The following ABHD6 variants were observed in gnomAD, a reference collection of about 807,000 sequenced individuals.
ABHD6 encodes the protein monoacylglycerol lipase ABHD6.
A neutral mutation model predicts 38.8 loss-of-function variants in ABHD6; 33 were observed. That is an observed-to-expected ratio of 0.85 (90% CI 0.64 to 1.14). The LOEUF (loss-of-function observed/expected upper bound fraction) is 1.14. Among genes scored for constraint, ABHD6 ranks in the 50% most tolerant of loss-of-function variants. ABHD6 has a pLI of 0.00. For synonymous variants in ABHD6, 147 were observed against 161.6 expected (o/e 0.91, Z 0.69); for missense variants, 380 against 422.6 (o/e 0.90, Z 0.88).
chr3:58,286,209 C>G (rs1158456965), intron 9 of ABHD6, among the ~76,000 whole-genome samples: 1 of 152,064 alleles, frequency 6.6e-6, no homozygotes. Flanking sequence ...TTAGTAGAGA[C>G]GGGGTTTCAC....
At chr3:58,247,633 A>G (rs758368613) in intron 1 of ABHD6, among the ~76,000 whole-genome samples, 3 of 152,046 alleles carry the variant, frequency 2.0e-5, no homozygotes, top group Non-Finnish European at 2.9e-5. Context: ...CTGGAGTACA[A>G]TGGCACAGTC....
rs1027226469 is a variant in ABHD6 at position 58,256,839 on chromosome 3, C to G, written c.119+134C>G. ...ACAGAGAGAAAAGTTGAAAGGTACT[C>G]ATCCTGTTTGGAATTTTGGGAATGC... On this transcript the variant is annotated intron_variant, in intron 3 of 9. Transcript: ENST00000478253. This position sits in a 1 kb window ranked among gnomAD's most constrained non-coding sequence, Gnocchi z 4.3. 1 of 742,584 alleles carries G rather than the reference C, an allele frequency of 1.3e-6. No homozygotes were observed. Among genetic ancestry groups the G allele is most frequent in the Non-Finnish European group, 2.2e-6 (1 of 445,462 alleles). The allele number at this position is 742,584 out of a possible 1,614,324, so 46.0% of individuals were successfully genotyped here.
chr3:58,252,243 T>TTTTTTTTTTA (rs2097430524), intron 2 of ABHD6, among the ~76,000 whole-genome samples: 1 of 145,698 alleles, frequency 6.9e-6, no homozygotes. Context: ...TTTTTTTTTT[T>TTTTTTTTTTA]TTTTTTTTTG....
At chr3:58,253,620 T>A (rs1444374202) in intron 2 of ABHD6, among the ~76,000 whole-genome samples, 1 of 152,338 alleles carries the variant, frequency 6.6e-6, no homozygotes, top group African/African-American at 2.4e-5. Context: ...GGAACCCATT[T>A]TGTAAATTTG....
chr3:58,266,291 A>C lies in ABHD6; in HGVS notation c.120-898A>C, dbSNP rs1161556470. Among the ~76,000 whole-genome samples, 1 of 152,208 alleles carries C rather than the reference A, an allele frequency of 6.6e-6. No homozygotes were observed. The highest frequency in any genetic ancestry group is 1.9e-4 in the East Asian group (1 of 5,194). Reference sequence around the variant, plus strand: ...TGGCGAAACCCTGTCTCTACTAAAAATACAAAAATTAGGCAGGCATGGTGG... The same window carrying C: ...TGGCGAAACCCTGTCTCTACTAAAACTACAAAAATTAGGCAGGCATGGTGG... On this transcript the variant is annotated intron_variant, in intron 3 of 9. Transcript: ENST00000478253. This position sits in a 1 kb window ranked among gnomAD's most constrained non-coding sequence, Gnocchi z 4.0.
Position 58,267,242 on chromosome 3 carries a change from A to G in ABHD6, c.173A>G (p.Tyr58Cys), listed in dbSNP as rs1358664743. The G allele has an allele frequency of 3.1e-6, 5 of 1,614,068 alleles. No individual in the cohort carries two copies. Among genetic ancestry groups the G allele is most frequent in the Non-Finnish European group, 3.4e-6 (4 of 1,180,016 alleles). Residue 58 changes from tyrosine to cysteine, a missense_variant, in exon 4 of 10, where the codon TAT becomes TGT. Transcript: ENST00000478253. This position sits in a 1 kb window ranked among gnomAD's most constrained non-coding sequence, Gnocchi z 4.3. ...GTCCGCTATGTTCACCATGAAGACT[A>G]TCAGTTCTGTTATTCCTTCCGGGGC... Reference protein sequence around the residue: ...MQVRYVHHEDYQFCYSFRGRP... With the variant: ...MQVRYVHHEDCQFCYSFRGRP...
intron 1 of ABHD6, among the ~76,000 whole-genome samples, chr3:58,240,723 C>T (rs1284058620): frequency 7.6e-6 from 1 of 130,874 alleles, no homozygotes; most frequent in African/African-American, 3.0e-5. Flanking sequence ...CACCACCAAA[C>T]CTGGGTAATT....
intron 7 of ABHD6, among the ~76,000 whole-genome samples, chr3:58,281,969 G>T (rs141259104): frequency 3.3e-5 from 5 of 152,170 alleles, no homozygotes; most frequent in African/African-American, 1.2e-4. Flanking sequence ...ACAAATAAAA[G>T]AAAATAAATG....
At chr3:58,260,904 T>C (rs1263046978) in intron 3 of ABHD6, among the ~76,000 whole-genome samples, 1 of 152,198 alleles carries the variant, frequency 6.6e-6, no homozygotes, top group Non-Finnish European at 1.5e-5. Context: ...CAGCAAGTCT[T>C]CAGAGCAGCT....
intron 6 of ABHD6, among the ~76,000 whole-genome samples, chr3:58,274,224 T>A (rs568197719): frequency 6.6e-6 from 1 of 152,316 alleles, no homozygotes; most frequent in South Asian, 2.1e-4. Flanking sequence ...CAGCCCTATG[T>A]TTTCTTCCGG....
At chr3:58,282,551 G>GTGAA (rs2097454122) in intron 7 of ABHD6, among the ~76,000 whole-genome samples, 1 of 152,108 alleles carries the variant, frequency 6.6e-6, no homozygotes, top group South Asian at 2.1e-4. Flanking sequence ...GGGCAACGTG[G>GTGAA]TGAAGCCCCA....
intron 9 of ABHD6, among the ~76,000 whole-genome samples, chr3:58,286,044 A>C (rs1216314890): frequency 7.8e-6 from 1 of 128,166 alleles, no homozygotes; most frequent in Admixed American, 7.6e-5. Context: ...TTTTTAGACG[A>C]AGTCTTGCTC....
intron 2 of ABHD6, among the ~76,000 whole-genome samples, chr3:58,254,855 CA>C (rs1559772645): frequency 6.2e-5 from 3 of 48,570 alleles, no homozygotes; most frequent in Non-Finnish European, 1.1e-4. Flanking sequence ...TGTGTATACA[CA>C]CACACACACA....
chr3:58,261,294 A>G (rs2097436761), intron 3 of ABHD6, among the ~76,000 whole-genome samples: 1 of 151,366 alleles, frequency 6.6e-6, no homozygotes, highest in Non-Finnish European at 1.5e-5. Context: ...TTGTGTACAT[A>G]GAAAGTCCAA....
intron 7 of ABHD6, among the ~76,000 whole-genome samples, chr3:58,283,261 A>T (rs1466145853): frequency 9.9e-5 from 15 of 152,194 alleles, no homozygotes; most frequent in Non-Finnish European, 4.4e-5. Context: ...CCCAGAATAG[A>T]GTGGCCAAAT....
Position 58,285,082 on chromosome 3 carries a change from T to G in ABHD6, c.682-3T>G. On this transcript the variant is annotated splice_polypyrimidine_tract_variant and splice_region_variant and intron_variant, in intron 7 of 9. Transcript: ENST00000478253. The surrounding 1 kb of genome is among the most constrained non-coding windows in gnomAD (Gnocchi z 4.9). ...TCTCTAACTTTGGGTTATTTATCCTTAGATCCTGCAAGGCCTTGTCGATGT... is the reference window on the plus strand; with the variant it reads ...TCTCTAACTTTGGGTTATTTATCCTGAGATCCTGCAAGGCCTTGTCGATGT... 1 of 1,614,106 alleles carries G rather than the reference T, an allele frequency of 6.2e-7. No individual in the cohort carries two copies. Among genetic ancestry groups the G allele is most frequent in the Non-Finnish European group, 8.5e-7 (1 of 1,179,946 alleles).
In ABHD6 at chr3:58,259,838, A is replaced by G. The variant is rs1027014351; in HGVS notation, c.119+3133A>G. On this transcript the variant is annotated intron_variant, in intron 3 of 9. Transcript: ENST00000478253. The surrounding 1 kb of genome is among the most constrained non-coding windows in gnomAD (Gnocchi z 4.7). ...GAGTCCCCATACCTAGTAGCCATCAATCCCAGTTTCTCCCTCACTTCATCT... is the reference window on the plus strand; with the variant it reads ...GAGTCCCCATACCTAGTAGCCATCAGTCCCAGTTTCTCCCTCACTTCATCT... 1.3e-5 allele frequency among the ~76,000 whole-genome samples: 2 copies of G among 152,164 alleles called. No homozygotes were observed. The highest frequency in any genetic ancestry group is 2.9e-5 in the Non-Finnish European group (2 of 68,032).
intron 7 of ABHD6, among the ~76,000 whole-genome samples, chr3:58,278,931 T>C (rs143591751): frequency 0.032 from 4,895 of 152,324 alleles, 262 homozygotes; most frequent in African/African-American, 0.11. Flanking sequence ...TTCTTAATCC[T>C]GAGCTCTAAT....
At position 58,256,751 on chromosome 3, in the gene ABHD6, G is replaced by C; in HGVS notation, c.119+46G>C. On this transcript the variant is annotated intron_variant, in intron 3 of 9. Transcript: ENST00000478253. The surrounding 1 kb of genome is among the most constrained non-coding windows in gnomAD (Gnocchi z 4.3). ...ATGTTTTCAAGAGTATCATAATATT[G>C]ACATCTTCTCTGCTTGTCCTTTTTG... The C allele has an allele frequency of 2.9e-6, 4 of 1,403,208 alleles. No homozygotes were observed. Among genetic ancestry groups the C allele is most frequent in the Non-Finnish European group, 4.0e-6 (4 of 996,794 alleles). 86.9% of individuals were successfully genotyped at this position (1,403,208 alleles called of 1,614,324 possible).
Sources: gnomAD v4.1 joint callset for allele counts (sites outside exome capture counted in the v4.1 genomes callset) on GRCh38, gnomAD v4.1.1 for gene constraint, Gnocchi (gnomAD v3.1) non-coding constraint, MANE v1.5 for transcripts, NCBI Gene and HGNC (gene_info 2026-07-23, HGNC 2026-07-21) for gene names.